Variants in KPNA5 observed in about 807,000 individuals in gnomAD.
KPNA5 encodes the protein importin subunit alpha-6.
A neutral mutation model predicts 71.3 loss-of-function variants in KPNA5; 46 were observed. The ratio of observed to expected loss-of-function variants is 0.65; its 90% CI spans 0.51 to 0.83. The LOEUF is 0.83. Ranked by LOEUF, KPNA5 falls within the 40% of genes least tolerant of loss-of-function variation. The pLI is 0.00. For synonymous variants in KPNA5, 207 were observed against 201.4 expected (o/e 1.03, Z -0.24); for missense variants, 547 against 628.3 (o/e 0.87, Z 1.38).
intron 1 of KPNA5, 64 bp downstream of exon 1, chr6:116,681,402 T>C: frequency 6.7e-7 from 1 of 1,496,168 alleles, no homozygotes; most frequent in Non-Finnish European, 8.9e-7. Context: ...TGGGAACTAC[T>C]AGTTCCTGGG....
intron 5 of KPNA5, among the ~76,000 whole-genome samples, chr6:116,700,810 A>C (rs1465840712): frequency 6.6e-6 from 1 of 152,320 alleles, no homozygotes; most frequent in East Asian, 1.9e-4. Context: ...AAATGAAAGG[A>C]GGTTGAATAG....
intron 1 of KPNA5, among the ~76,000 whole-genome samples, chr6:116,685,000 T>C (rs777533704): frequency 6.6e-6 from 1 of 152,232 alleles, no homozygotes; most frequent in Non-Finnish European, 1.5e-5. Context: ...AAACATAAAC[T>C]TGCCGTATTA....
chr6:116,696,395 A>G (rs1224844185), intron 4 of KPNA5, among the ~76,000 whole-genome samples: 1 of 152,192 alleles, frequency 6.6e-6, no homozygotes, highest in African/African-American at 2.4e-5. Flanking sequence ...GGAAGCAGAA[A>G]CAACAGGAAA....
At chr6:116,719,835 A>T (rs1779038180) in intron 8 of KPNA5, among the ~76,000 whole-genome samples, 1 of 151,484 alleles carries the variant, frequency 6.6e-6, no homozygotes, top group South Asian at 2.1e-4. Context: ...TGGGCAACAG[A>T]GCAAGACCCT....
At chr6:116,720,316 C>T (rs778270183) in intron 8 of KPNA5, among the ~76,000 whole-genome samples, 2 of 151,984 alleles carry the variant, frequency 1.3e-5, no homozygotes, top group Non-Finnish European at 2.9e-5. Context: ...GTTACTGTTT[C>T]TTTATTCACT....
At chr6:116,698,819 C>A (rs779920555) in intron 5 of KPNA5, 21 bp downstream of exon 5, 14 of 1,344,808 alleles carry the variant, frequency 1.0e-5, no homozygotes, top group Non-Finnish European at 4.1e-6. Context: ...AGTTTTCTTT[C>A]TTAATTTTTC....
Position 116,739,717 on chromosome 6 carries a change from GAC to G in KPNA5, c.*7396_*7397del. On this transcript the variant is annotated 3_prime_UTR_variant, in exon 14 of 14. Transcript: ENST00000368564. ...GCATATCTACAACTATCTGATCTTTGACAAACCTGAGAAAAACAAGCAATGGG... is the reference window on the plus strand; with the variant it reads ...GCATATCTACAACTATCTGATCTTTGAAACCTGAGAAAAACAAGCAATGGG... 6.6e-6 allele frequency: 1 copy of G among 152,022 alleles called. No individual in the cohort carries two copies. Among genetic ancestry groups the G allele is most frequent in the Non-Finnish European group, 1.5e-5 (1 of 67,970 alleles). The allele number at this position is 152,022 out of a possible 1,614,324, so 9.4% of individuals were successfully genotyped here.
intron 12 of KPNA5, among the ~76,000 whole-genome samples, chr6:116,728,676 T>C (rs1779365834): frequency 6.6e-6 from 1 of 152,092 alleles, no homozygotes; most frequent in Admixed American, 6.6e-5. Flanking sequence ...CAGAAACTTT[T>C]ATTAAATGTC....
intron 9 of KPNA5, among the ~76,000 whole-genome samples, chr6:116,722,550 A>G (rs1215535946): frequency 2.0e-5 from 3 of 152,206 alleles, no homozygotes; most frequent in African/African-American, 4.8e-5. Context: ...GATAAACTTA[A>G]TAAGTATTTA....
chr6:116,694,752 G>A (rs1429832475), intron 4 of KPNA5, among the ~76,000 whole-genome samples: 2 of 152,056 alleles, frequency 1.3e-5, no homozygotes, highest in Non-Finnish European at 2.9e-5. Context: ...ACAAAATAAT[G>A]TAATCAGGCA....
rs1365551982 is a variant in KPNA5, at chr6:116,740,217, T to C, written c.*7894T>C. 2 of 152,092 alleles carry C rather than the reference T, an allele frequency of 1.3e-5. No individual in the cohort carries two copies. The highest frequency in any genetic ancestry group is 4.8e-5 in the African/African-American group (2 of 41,400). 9.4% of individuals were successfully genotyped at this position (152,092 alleles called of 1,614,324 possible). ...CAGACACTTCTCAAAAGAAGACATT[T>C]ATGCAGCCAAAAAACACATGAAAAA... On this transcript the variant is annotated 3_prime_UTR_variant, in exon 14 of 14. Coordinates refer to ENST00000368564, the MANE Select transcript of KPNA5 (RefSeq NM_001366306.2).
intron 5 of KPNA5, among the ~76,000 whole-genome samples, chr6:116,701,342 C>T (rs948682150): frequency 1.3e-5 from 2 of 152,084 alleles, no homozygotes; most frequent in East Asian, 1.9e-4. Flanking sequence ...TTCAGTAATT[C>T]ACTAGTTCAT....
At chr6:116,693,232 A>G (rs2114381897) in intron 4 of KPNA5, among the ~76,000 whole-genome samples, 1 of 152,260 alleles carries the variant, frequency 6.6e-6, no homozygotes, top group Non-Finnish European at 1.5e-5. Flanking sequence ...ATGATTTATA[A>G]TCCTTTGGGT....
chr6:116,693,563 G>T (rs1011668106), intron 4 of KPNA5, among the ~76,000 whole-genome samples: 2 of 152,072 alleles, frequency 1.3e-5, no homozygotes, highest in Non-Finnish European at 2.9e-5. Context: ...CATATCCTTC[G>T]CCCACTTGTT....
At chr6:116,724,263 C>A in intron 9 of KPNA5, 34 bp from the exon 10 acceptor site, 1 of 1,372,524 alleles carries the variant, frequency 7.3e-7, no homozygotes, top group South Asian at 1.2e-5. Flanking sequence ...TAAATTCTTA[C>A]TAGTATTTAG....
At position 116,733,746 on chromosome 6, in the gene KPNA5, G is replaced by T. The variant is rs1345610452; in HGVS notation, c.*1423G>T. The T allele has an allele frequency of 2.6e-5, 4 of 151,556 alleles. No individual in the cohort carries two copies. Among genetic ancestry groups the T allele is most frequent in the Admixed American group, 6.6e-5 (1 of 15,154 alleles). 9.4% of individuals were successfully genotyped at this position (151,556 alleles called of 1,614,324 possible). On this transcript the variant is annotated 3_prime_UTR_variant, in exon 14 of 14. Transcript: ENST00000368564. ...AAACTTAGTTTACAACTCTTTTTAA[G>T]ATGAGAACTAAGGCAATTTTGATAT...
At chr6:116,701,562 T>A (rs1344895382) in intron 5 of KPNA5, among the ~76,000 whole-genome samples, 1 of 152,206 alleles carries the variant, frequency 6.6e-6, no homozygotes, top group Non-Finnish European at 1.5e-5. Flanking sequence ...AATTTTTTTG[T>A]TTCTTAAATA....
Position 116,722,294 on chromosome 6 carries a change from C to G in KPNA5, c.920+5C>G, listed in dbSNP as rs1362762060. On this transcript the variant is annotated splice_donor_5th_base_variant and intron_variant, in intron 9 of 13. Transcript: ENST00000368564. Reference sequence around the variant, plus strand: ...AAGATTGGTGGAACTTTTGATGTAACTATAAATAATTTATGCTTAATAATT... The same window carrying G: ...AAGATTGGTGGAACTTTTGATGTAAGTATAAATAATTTATGCTTAATAATT... 2 of 1,598,046 alleles carry G rather than the reference C, an allele frequency of 1.3e-6. No individual in the cohort carries two copies. Among genetic ancestry groups the G allele is most frequent in the Non-Finnish European group, 1.7e-6 (2 of 1,170,844 alleles).
intron 12 of KPNA5, among the ~76,000 whole-genome samples, chr6:116,727,540 A>G (rs907950079): frequency 2.0e-5 from 3 of 152,078 alleles, no homozygotes; most frequent in Non-Finnish European, 4.4e-5. Flanking sequence ...GTATGCAAAT[A>G]CTATGCCATT....
Sources: gnomAD v4.1 joint callset for allele counts (sites outside exome capture counted in the v4.1 genomes callset) on GRCh38, gnomAD v4.1.1 for gene constraint, MANE v1.5 for transcripts, NCBI Gene and HGNC (gene_info 2026-07-23, HGNC 2026-07-21) for gene names.